Variants in TEN1 observed in about 807,000 individuals in gnomAD.
The protein encoded by TEN1 is TEN1 subunit of CST complex.
TEN1 carries 6 observed loss-of-function variants against 9.3 expected under a neutral mutation model. That is an observed-to-expected ratio of 0.65 (90% CI 0.35 to 1.27). The LOEUF is 1.27. Ranked by LOEUF, TEN1 falls within the 50% of genes most tolerant of loss-of-function variation. TEN1 has a pLI of 0.03. For synonymous variants in TEN1, 65 were observed against 65.6 expected (o/e 0.99, Z 0.04); for missense variants, 149 against 158.2 (o/e 0.94, Z 0.31).
In TEN1 at chr17:75,983,034, A is replaced by G. The variant is rs184769647; in HGVS notation, c.-6-3153A>G. On this transcript the variant is annotated intron_variant, in intron 1 of 3. Coordinates refer to ENST00000397640, the MANE Select transcript of TEN1 (RefSeq NM_001113324.3). ...GGTGTCTCACGCCTGTAGTCCCAAC[A>G]CTCTGGGAGGCCGAGGTGGGTGGAT... Among the ~76,000 whole-genome samples the G allele has an allele frequency of 7.3e-5, 11 of 150,608 alleles. No homozygotes were observed. The East Asian group carries it at 2.2e-3, about 30-fold the overall frequency.
Position 76,000,143 on chromosome 17 carries a change from A to G in TEN1, c.253A>G (p.Arg85Gly), listed in dbSNP as rs777056924. 1.3e-6 allele frequency: 2 copies of G among 1,551,054 alleles called. No individual in the cohort carries two copies. The highest frequency in any genetic ancestry group is 1.7e-6 in the Non-Finnish European group (2 of 1,146,706). The change falls in exon 4 of 4, where the codon AGA becomes GGA. Residue 85 changes from arginine (R) to glycine (G), a missense_variant and splice_region_variant. Transcript: ENST00000397640. This position sits in a 1 kb window ranked among gnomAD's most constrained non-coding sequence, Gnocchi z 5.9. ...VLGELQHQQD[R>G]GSVVKARVLT... ...GTGCCCTGGTGTTTGTCTTGCAGAC[A>G]GAGGCTCCGTGGTGAAGGCGCGCGT...
intron 1 of TEN1, among the ~76,000 whole-genome samples, chr17:75,981,602 T>G (rs898551745): frequency 3.3e-5 from 5 of 151,776 alleles, no homozygotes; most frequent in African/African-American, 4.8e-5. Context: ...AGTTGTTTTT[T>G]TTTTTTTTTT....
chr17:75,998,229 G>GC (rs1555622213), intron 3 of TEN1, among the ~76,000 whole-genome samples: 1 of 145,656 alleles, frequency 6.9e-6, no homozygotes, highest in Non-Finnish European at 1.5e-5. Context: ...GTGCAGTGGC[G>GC]CAATCTTGGC....
intron 2 of TEN1, among the ~76,000 whole-genome samples, chr17:75,989,986 A>G (rs1162021980): frequency 1.3e-5 from 2 of 150,978 alleles, no homozygotes; most frequent in Non-Finnish European, 2.9e-5. Flanking sequence ...GGCTCAAGCA[A>G]TCCTCTTGCC....
chr17:75,997,590 C>G (rs142967999), intron 3 of TEN1, among the ~76,000 whole-genome samples: 1 of 152,272 alleles, frequency 6.6e-6, no homozygotes, highest in East Asian at 1.9e-4. Context: ...TCCCTCCTAC[C>G]TAAGGGGTTA....
At chr17:75,994,800 C>T (rs556217688) in intron 3 of TEN1, among the ~76,000 whole-genome samples, 6 of 152,184 alleles carry the variant, frequency 3.9e-5, no homozygotes, top group African/African-American at 9.6e-5. Flanking sequence ...AAGTCATACA[C>T]GCTCGTCATT....
chr17:75,980,779 A>G (rs1037964369), intron 1 of TEN1, among the ~76,000 whole-genome samples: 4 of 152,200 alleles, frequency 2.6e-5, no homozygotes, highest in Admixed American at 2.6e-4. Context: ...AAACTACGAG[A>G]GATGCATAAC....
intron 1 of TEN1, among the ~76,000 whole-genome samples, chr17:75,982,860 G>A (rs1169838125): frequency 2.0e-5 from 3 of 151,196 alleles, no homozygotes; most frequent in African/African-American, 4.9e-5. Context: ...ACAGGCACCC[G>A]CCATCATGCC....
rs1353428386 is a variant in TEN1, at chr17:76,000,333, G to T, written c.*71G>T. On this transcript the variant is annotated 3_prime_UTR_variant, in exon 4 of 4. Coordinates refer to ENST00000397640, the MANE Select transcript of TEN1 (RefSeq NM_001113324.3). The surrounding 1 kb of genome is among the most constrained non-coding windows in gnomAD (Gnocchi z 5.9). ...CCTCTGGAGCTGCAGGAGCCCGGGAGAGCACAGACGCCTCCCCAGCGACGG... is the reference window on the plus strand; with the variant it reads ...CCTCTGGAGCTGCAGGAGCCCGGGATAGCACAGACGCCTCCCCAGCGACGG... The T allele has an allele frequency of 6.7e-7, 1 of 1,481,714 alleles. No individual in the cohort carries two copies. The highest frequency in any genetic ancestry group is 1.4e-5 in the African/African-American group (1 of 70,860). The allele number at this position is 1,481,714 out of a possible 1,614,324, so 91.8% of individuals were successfully genotyped here.
At chr17:75,985,896 A>AT (rs1224884430) in intron 1 of TEN1, among the ~76,000 whole-genome samples, 1 of 149,202 alleles carries the variant, frequency 6.7e-6, no homozygotes, top group Non-Finnish European at 1.5e-5. Flanking sequence ...TTTTATATAT[A>AT]TTTTTTATTA....
chr17:75,998,979 G>C (rs766747819), intron 3 of TEN1, among the ~76,000 whole-genome samples: 11 of 151,904 alleles, frequency 7.2e-5, no homozygotes, highest in Non-Finnish European at 7.4e-5. Context: ...AGAGCAGAAA[G>C]AGCATGAGTG....
intron 1 of TEN1, 66 bp from the exon 2 acceptor site, chr17:75,986,121 C>A: frequency 8.0e-7 from 1 of 1,245,920 alleles, no homozygotes; most frequent in Non-Finnish European, 1.1e-6. Context: ...ATCTGCTAAT[C>A]TCTGTTTTGT....
intron 3 of TEN1, among the ~76,000 whole-genome samples, chr17:75,993,724 C>T (rs1432834440): frequency 6.6e-6 from 1 of 152,132 alleles, no homozygotes; most frequent in Non-Finnish European, 1.5e-5. Context: ...GGGCTGGGCG[C>T]CGTGGCTCAC....
intron 3 of TEN1, among the ~76,000 whole-genome samples, chr17:75,996,223 C>T (rs74685513): frequency 0.063 from 9,592 of 151,954 alleles, 974 homozygotes; most frequent in African/African-American, 0.22. Flanking sequence ...TGGTGGCTCA[C>T]GCCTGTAATC....
intron 2 of TEN1, among the ~76,000 whole-genome samples, chr17:75,989,692 C>A (rs2066173500): frequency 6.6e-6 from 1 of 150,688 alleles, no homozygotes; most frequent in East Asian, 2.0e-4. Context: ...GGATTACAGG[C>A]GTGAGCCATC....
At chr17:75,985,794 G>A (rs1256457228) in intron 1 of TEN1, among the ~76,000 whole-genome samples, 1 of 151,662 alleles carries the variant, frequency 6.6e-6, no homozygotes, top group Non-Finnish European at 1.5e-5. Context: ...AAAGTGCTGG[G>A]ATTATAGGCA....
At chr17:75,989,314 G>A (rs539920257) in intron 2 of TEN1, among the ~76,000 whole-genome samples, 71 of 149,434 alleles carry the variant, frequency 4.8e-4, no homozygotes, top group African/African-American at 1.6e-3. Context: ...GGGTTTCACC[G>A]TGTTAGCCAG....
Position 75,991,723 on chromosome 17 carries a change from G to A in TEN1, c.250+100G>A. 3.0e-6 allele frequency: 4 copies of A among 1,345,490 alleles called. No individual in the cohort carries two copies. The South Asian group carries it at 4.2e-5, about 14-fold the overall frequency. The allele number at this position is 1,345,490 out of a possible 1,614,324, so 83.3% of individuals were successfully genotyped here. The stretch of plus-strand genomic sequence containing the variant: ...AATGGGCTCGTGACCCAACAGCAAT[G>A]TCTCATCAGGGTTAATGTTTCTTCC... On this transcript the variant is annotated intron_variant, in intron 3 of 3. Transcript: ENST00000397640.
intron 2 of TEN1, among the ~76,000 whole-genome samples, chr17:75,989,431 G>C (rs2066172143): frequency 6.9e-6 from 1 of 145,336 alleles, no homozygotes; most frequent in Admixed American, 7.0e-5. Context: ...TTTTTAAATT[G>C]AGATGGAGTC....
Sources: allele counts gnomAD v4.1 joint callset (sites outside exome capture counted in the v4.1 genomes callset), GRCh38; gene constraint gnomAD v4.1.1; non-coding constraint Gnocchi (gnomAD v3.1); transcripts MANE v1.5; gene names NCBI Gene and HGNC (gene_info 2026-07-23, HGNC 2026-07-21).